DPP6: variants seen among roughly 807,000 people sequenced by gnomAD.
DPP6 encodes A-type potassium channel modulatory protein DPP6.
DPP6 carries 69 observed loss-of-function variants against 122.6 expected under a neutral mutation model. The observed-to-expected ratio is 0.56, with a 90% CI of 0.46 to 0.69. The LOEUF is 0.69. Among genes scored for constraint, DPP6 ranks in the 30% least tolerant of loss-of-function variants. DPP6 has a pLI of 0.00. For missense variants in DPP6, 928 were observed against 1,116.9 expected (o/e 0.83, Z 2.41); for synonymous variants, 418 against 433.1 (o/e 0.97, Z 0.43).
intron 16 of DPP6, among the ~76,000 whole-genome samples, chr7:154,834,190 G>A (rs534973295): frequency 2.6e-5 from 4 of 151,972 alleles, no homozygotes; most frequent in South Asian, 2.1e-4. Flanking sequence ...GCTCCCAGCC[G>A]GGTGCAGTGG....
At chr7:154,684,259 C>T (rs2131182719) in intron 7 of DPP6, among the ~76,000 whole-genome samples, 1 of 152,144 alleles carries the variant, frequency 6.6e-6, no homozygotes, top group South Asian at 2.1e-4. Flanking sequence ...CCCTGCCACT[C>T]TGCCATTGCC....
intron 1 of DPP6, among the ~76,000 whole-genome samples, chr7:154,327,073 G>A (rs1366466961): frequency 6.6e-6 from 1 of 152,072 alleles, no homozygotes. Flanking sequence ...CAGTCCTAAT[G>A]TTCTGCTTGG....
At chr7:154,075,221 A>G (rs1489376899) in intron 1 of DPP6, among the ~76,000 whole-genome samples, 2 of 151,940 alleles carry the variant, frequency 1.3e-5, no homozygotes, top group African/African-American at 4.8e-5. Flanking sequence ...GTAAACTAGT[A>G]TAACCACTAT....
intron 5 of DPP6, among the ~76,000 whole-genome samples, chr7:154,568,531 G>A (rs553927712): frequency 6.6e-5 from 10 of 152,304 alleles, no homozygotes; most frequent in African/African-American, 1.4e-4. Flanking sequence ...CGGAAGAGGC[G>A]TGCTCTAGTC....
chr7:154,163,939 G>A (rs1453240712), intron 1 of DPP6, among the ~76,000 whole-genome samples: 19 of 152,044 alleles, frequency 1.2e-4, no homozygotes, highest in Non-Finnish European at 2.4e-4. Context: ...GCTCAGGCCC[G>A]CTCTCTACTG....
chr7:154,007,239 T>G (rs989767870), intron 1 of DPP6, among the ~76,000 whole-genome samples: 2 of 152,244 alleles, frequency 1.3e-5, no homozygotes, highest in African/African-American at 4.8e-5. Flanking sequence ...ATCTTTGGGC[T>G]TCTTATAAAA....
At chr7:154,544,324 CA>C (rs1335541192) in intron 4 of DPP6, among the ~76,000 whole-genome samples, 2 of 152,018 alleles carry the variant, frequency 1.3e-5, no homozygotes, top group Non-Finnish European at 2.9e-5. Flanking sequence ...GAAAATGAAT[CA>C]AATAAAAGCA....
intron 1 of DPP6, among the ~76,000 whole-genome samples, chr7:154,006,246 A>T (rs1797908117): frequency 6.6e-6 from 1 of 151,924 alleles, no homozygotes; most frequent in South Asian, 2.1e-4. Flanking sequence ...CACATCACAG[A>T]TGTTTTCCCT....
intron 1 of DPP6, among the ~76,000 whole-genome samples, chr7:153,986,182 GA>G (rs1231714253): frequency 2.0e-5 from 3 of 152,090 alleles, no homozygotes; most frequent in African/African-American, 7.2e-5. Context: ...GTCCCCATTG[GA>G]AACAGAAAAT....
At chr7:153,989,361 G>A (rs62484247) in intron 1 of DPP6, among the ~76,000 whole-genome samples, 12,767 of 144,478 alleles carry the variant, frequency 0.088, no homozygotes, top group Middle Eastern at 0.14. Context: ...GTGTGGGGGA[G>A]TGAGTATGGG....
At chr7:154,250,884 G>A (rs1365904252) in intron 1 of DPP6, among the ~76,000 whole-genome samples, 1 of 152,130 alleles carries the variant, frequency 6.6e-6, no homozygotes, top group East Asian at 1.9e-4. Flanking sequence ...CCAAAGCTTG[G>A]CTGTGTAAAG....
intron 1 of DPP6, among the ~76,000 whole-genome samples, chr7:154,437,985 GTGT>G (rs3056509): frequency 0.31 from 46,766 of 151,730 alleles, 9,206 homozygotes; most frequent in East Asian, 0.54. Flanking sequence ...TAAACCAAGA[GTGT>G]TGTTGGAATT....
At chr7:154,704,351 A>G (rs1286019875) in intron 7 of DPP6, among the ~76,000 whole-genome samples, 2 of 152,216 alleles carry the variant, frequency 1.3e-5, no homozygotes, top group Non-Finnish European at 1.5e-5. Flanking sequence ...AGATGCTAAG[A>G]ATATTGTGGA....
chr7:153,993,608 C>T (rs183294048), intron 1 of DPP6, among the ~76,000 whole-genome samples: 1 of 152,344 alleles, frequency 6.6e-6, no homozygotes, highest in Admixed American at 6.5e-5. Flanking sequence ...CCCCATACAA[C>T]CTACTTCATC....
chr7:154,670,552 C>T (rs375784575), intron 7 of DPP6, among the ~76,000 whole-genome samples: 46 of 152,332 alleles, frequency 3.0e-4, no homozygotes, highest in African/African-American at 1.1e-3. Flanking sequence ...TTCTGGGTAA[C>T]ATTTTTTTAA....
chr7:154,240,283 G>T (rs1181382440), intron 1 of DPP6, among the ~76,000 whole-genome samples: 1 of 152,072 alleles, frequency 6.6e-6, no homozygotes, highest in Non-Finnish European at 1.5e-5. Flanking sequence ...GATTGTCTCT[G>T]TTACCACCGG....
intron 1 of DPP6, among the ~76,000 whole-genome samples, chr7:154,041,178 C>T (rs1204942474): frequency 6.6e-6 from 1 of 152,098 alleles, no homozygotes; most frequent in East Asian, 1.9e-4. Context: ...AAAACATGTT[C>T]TCTTCTCTTC....
intron 15 of DPP6, among the ~76,000 whole-genome samples, chr7:154,805,223 AC>A (rs1244119866): frequency 1.3e-5 from 2 of 152,208 alleles, no homozygotes; most frequent in African/African-American, 4.8e-5. Flanking sequence ...TCTTTGGCTA[AC>A]GGATGGACTT....
At chr7:154,810,175 C>T (rs1025126009) in intron 16 of DPP6, among the ~76,000 whole-genome samples, 4 of 152,148 alleles carry the variant, frequency 2.6e-5, no homozygotes, top group East Asian at 3.9e-4. Flanking sequence ...CAAACACTTT[C>T]GCTGCTTCCC....
Sources: gnomAD v4.1 joint callset for allele counts (sites outside exome capture counted in the v4.1 genomes callset) on GRCh38, gnomAD v4.1.1 for gene constraint, MANE v1.5 for transcripts, NCBI Gene and HGNC (gene_info 2026-07-23, HGNC 2026-07-21) for gene names.